Variants in KIAA0232 observed in about 807,000 individuals in gnomAD.
The protein encoded by KIAA0232 is KIAA0232.
A neutral mutation model predicts 122.0 loss-of-function variants in KIAA0232; 27 were observed. The ratio of observed to expected loss-of-function variants is 0.22; its 90% CI spans 0.16 to 0.31. The LOEUF (loss-of-function observed/expected upper bound fraction) is 0.31. Ranked by LOEUF, KIAA0232 falls within the 10% of genes least tolerant of loss-of-function variation. The pLI is 1.00. For missense variants in KIAA0232, 1,551 were observed against 1,634.2 expected (o/e 0.95, Z 0.88); for synonymous variants, 613 against 587.6 (o/e 1.04, Z -0.63).
At position 6,855,063 on chromosome 4, in the gene KIAA0232, G is replaced by T. The variant is rs1560195255; in HGVS notation, c.370-2101G>T. Reference sequence around the variant, plus strand: ...TGTGATGGTGACCCAGGGTTCTCATGATTTTTTATTTTTTATTTTTTATTT... The same window carrying T: ...TGTGATGGTGACCCAGGGTTCTCATTATTTTTTATTTTTTATTTTTTATTT... On this transcript the variant is annotated intron_variant, in intron 4 of 9. Coordinates refer to ENST00000307659, the MANE Select transcript of KIAA0232 (RefSeq NM_014743.3). This position sits in a 1 kb window ranked among gnomAD's most constrained non-coding sequence, Gnocchi z 4.3. Among the ~76,000 whole-genome samples the T allele has an allele frequency of 1.3e-5, 2 of 151,838 alleles. No homozygotes were observed. The highest frequency in any genetic ancestry group is 2.9e-5 in the Non-Finnish European group (2 of 67,924).
rs1315171150 is a variant in KIAA0232 at position 6,862,526 on chromosome 4, C to T, written c.2144C>T (p.Ser715Phe). 22 of 1,613,452 alleles carry T rather than the reference C, an allele frequency of 1.4e-5. No homozygotes were observed. Among genetic ancestry groups the T allele is most frequent in the Non-Finnish European group, 1.8e-5 (21 of 1,179,850 alleles). Residue 715 changes from serine (S) to phenylalanine (F), a missense_variant, in exon 7 of 10, where the codon TCC (serine) becomes TTC (phenylalanine). Physicochemically the swap from Ser to Phe is radical, Grantham distance 155. Transcript: ENST00000307659. ...TCAACAAGAACTTGTAGTCCATGGT[C>T]CCATTCAGAAGAAACACGTTCAGAC... ...NLSTRTCSPWSHSEETRSDNE... is the reference protein window; with the variant it reads ...NLSTRTCSPWFHSEETRSDNE...
At chr4:6,859,257 G>T (rs529837653) in intron 6 of KIAA0232, among the ~76,000 whole-genome samples, 1 of 151,728 alleles carries the variant, frequency 6.6e-6, no homozygotes. Flanking sequence ...TTTTTTGTTC[G>T]TAAATAGTCT....
intron 9 of KIAA0232, among the ~76,000 whole-genome samples, chr4:6,878,763 C>G (rs6843804): frequency 0.86 from 130,723 of 152,170 alleles, 56,515 homozygotes; most frequent in Non-Finnish European, 0.9. Flanking sequence ...TTGAATCACA[C>G]GGCATGTGAT....
rs528047199 is a variant in KIAA0232 at position 6,843,697 on chromosome 4, G to A, written c.369+1493G>A. On this transcript the variant is annotated intron_variant, in intron 4 of 9. Coordinates refer to ENST00000307659, the MANE Select transcript of KIAA0232 (RefSeq NM_014743.3). ...AGGCAGGAGAATCACTTGAACCTGGGAGGCAGAGGTTGCAGTGAGCCAGGA... is the reference window on the plus strand; with the variant it reads ...AGGCAGGAGAATCACTTGAACCTGGAAGGCAGAGGTTGCAGTGAGCCAGGA... 2.6e-5 allele frequency among the ~76,000 whole-genome samples: 4 copies of A among 152,146 alleles called. No homozygotes were observed. In the East Asian group the frequency reaches 7.8e-4, roughly 29 times the overall value.
chr4:6,801,016 A>G (rs1717363410), intron 1 of KIAA0232, among the ~76,000 whole-genome samples: 1 of 152,198 alleles, frequency 6.6e-6, no homozygotes, highest in African/African-American at 2.4e-5. Context: ...GTCATAGGAT[A>G]ATTTGTAATT....
rs752428517 is a variant in KIAA0232, at chr4:6,800,043, C to CTTTTTTTTTTTTTTTTTTTTTT, written c.-353-4469_-353-4448dup. 1.5e-3 allele frequency among the ~76,000 whole-genome samples: 88 copies of CTTTTTTTTTTTTTTTTTTTTTT among 60,072 alleles called. 17 individuals carry two copies. Among genetic ancestry groups the CTTTTTTTTTTTTTTTTTTTTTT allele is most frequent in the Non-Finnish European group, 2.1e-3 (60 of 28,092 alleles). 39.4% of individuals were successfully genotyped at this position (60,072 alleles called of 152,430 possible). A position where few individuals can be genotyped will look rare whatever the true frequency, so the allele number is the denominator to read the frequency against. On this transcript the variant is annotated intron_variant, in intron 1 of 9. Coordinates refer to ENST00000307659, the MANE Select transcript of KIAA0232 (RefSeq NM_014743.3). ...TTTCTTTTTCTTTCTTTCTTTCTTT[C>CTTTTTTTTTTTTTTTTTTTTTT]TTTTTTTTTTTTTTTTTTTTTTTTT...
intron 6 of KIAA0232, among the ~76,000 whole-genome samples, chr4:6,860,325 C>G (rs1720786345): frequency 6.6e-6 from 1 of 152,184 alleles, no homozygotes; most frequent in African/African-American, 2.4e-5. Context: ...TAAGGTCACA[C>G]AGCTAGTAAA....
At position 6,862,278 on chromosome 4, in the gene KIAA0232, A is replaced by G. The variant is rs1720917898; in HGVS notation, c.1896A>G (p.Gln632=). Residue 632 remains glutamine, a synonymous_variant, in exon 7 of 10, where the codon CAA becomes CAG. Coordinates refer to ENST00000307659, the MANE Select transcript of KIAA0232 (RefSeq NM_014743.3). ...ATTCACACCTGCTTGCTGGCAATCA[A>G]GAGCTCTTTTCAGATATTAATGAAG... ...VLNSHLLAGN[Q]ELFSDINEGS... 6.2e-7 allele frequency: 1 copy of G among 1,614,216 alleles called. No homozygotes were observed. The highest frequency in any genetic ancestry group is 2.2e-5 in the East Asian group (1 of 44,886).
In KIAA0232 at chr4:6,858,507, G is replaced by C; in HGVS notation, c.518+1G>C. The C allele has an allele frequency of 6.3e-7, 1 of 1,591,512 alleles. No individual in the cohort carries two copies. The highest frequency in any genetic ancestry group is 8.6e-7 in the Non-Finnish European group (1 of 1,163,096). On this transcript the variant is annotated splice_donor_variant, in intron 6 of 9. Transcript: ENST00000307659. LOFTEE classifies it high-confidence loss of function. ...CTCCAGCAAAGGATCAAGTGGAAAT[G>C]TATGTAAGATTGTATTCGGTAATAA...
intron 3 of KIAA0232, among the ~76,000 whole-genome samples, chr4:6,839,253 A>AT (rs1239131585): frequency 6.6e-6 from 1 of 152,186 alleles, no homozygotes; most frequent in Non-Finnish European, 1.5e-5. Context: ...TCAGGTTTAG[A>AT]TTTTGCATTA....
intron 3 of KIAA0232, among the ~76,000 whole-genome samples, chr4:6,829,361 T>A (rs910103562): frequency 2.0e-5 from 3 of 152,212 alleles, no homozygotes; most frequent in African/African-American, 7.2e-5. Context: ...AGGGAGACTT[T>A]GATACTTTTA....
At chr4:6,816,768 A>G (rs1449153149) in intron 2 of KIAA0232, among the ~76,000 whole-genome samples, 4 of 152,238 alleles carry the variant, frequency 2.6e-5, no homozygotes, top group Non-Finnish European at 5.9e-5. Context: ...TATAAATTCA[A>G]TTCCCTTTAT....
intron 3 of KIAA0232, among the ~76,000 whole-genome samples, chr4:6,831,774 T>C (rs1370289320): frequency 6.6e-6 from 1 of 152,212 alleles, no homozygotes; most frequent in Non-Finnish European, 1.5e-5. Context: ...AACCCCTTCC[T>C]CTTGCTTGGA....
At chr4:6,798,626 A>G (rs1411778656) in intron 1 of KIAA0232, among the ~76,000 whole-genome samples, 1 of 152,180 alleles carries the variant, frequency 6.6e-6, no homozygotes, top group Non-Finnish European at 1.5e-5. Context: ...ATTATCGCTC[A>G]CTGCACCCTT....
chr4:6,783,523 C>G (rs933487191), intron 1 of KIAA0232, among the ~76,000 whole-genome samples: 9 of 152,154 alleles, frequency 5.9e-5, no homozygotes, highest in Non-Finnish European at 8.8e-5. Context: ...GGGGTCAGGC[C>G]GGCAGCCTGG....
intron 1 of KIAA0232, among the ~76,000 whole-genome samples, chr4:6,787,474 GTGTAC>G (rs1025032659): frequency 2.0e-5 from 3 of 152,306 alleles, no homozygotes; most frequent in African/African-American, 7.2e-5. Context: ...GCTATGCTTT[GTGTAC>G]TGCACATCCT....
chr4:6,792,791 G>A (rs1006375557), intron 1 of KIAA0232, among the ~76,000 whole-genome samples: 1 of 150,082 alleles, frequency 6.7e-6, no homozygotes, highest in Non-Finnish European at 1.5e-5. Context: ...CTGGGTTCAC[G>A]CCATTCTCCT....
chr4:6,784,080 C>A (rs1209528555), intron 1 of KIAA0232, among the ~76,000 whole-genome samples: 2 of 151,938 alleles, frequency 1.3e-5, no homozygotes, highest in African/African-American at 4.8e-5. Flanking sequence ...CCTCTATAGG[C>A]AAGCTATAAA....
chr4:6,858,641 C>T (rs575521235), intron 6 of KIAA0232, 135 bp downstream of exon 6: 5 of 592,032 alleles, frequency 8.4e-6, no homozygotes, highest in East Asian at 3.1e-5. Flanking sequence ...TTATCGAGCG[C>T]TTATATGCTT....
Sources: gnomAD v4.1 joint callset for allele counts (sites outside exome capture counted in the v4.1 genomes callset) on GRCh38, gnomAD v4.1.1 for gene constraint, Gnocchi (gnomAD v3.1) non-coding constraint, MANE v1.5 for transcripts, NCBI Gene and HGNC (gene_info 2026-07-23, HGNC 2026-07-21) for gene names.